ACTR3C: variants seen among roughly 807,000 people sequenced by gnomAD.
ACTR3C encodes the protein actin-related protein 3C.
A neutral mutation model predicts 26.3 loss-of-function variants in ACTR3C; 18 were observed. That is an observed-to-expected ratio of 0.68 (90% CI 0.47 to 1.01). The LOEUF (loss-of-function observed/expected upper bound fraction) is 1.01. ACTR3C is among the 50% of genes least tolerant of loss of function. The pLI, the probability that ACTR3C is intolerant of heterozygous loss-of-function variation, is 0.00. For missense variants in ACTR3C, 184 were observed against 250.7 expected, an observed-to-expected ratio of 0.73 and a Z score of 1.80; for synonymous variants, 55 against 94.5, an observed-to-expected ratio of 0.58 and a Z score of 2.42.
Position 150,313,274 on chromosome 7 carries a change from G to T in ACTR3C, c.-52+10195C>A, listed in dbSNP as rs182119279. ...ACCTGTTTAGGTGGTCTTCTCTACGGACACACGTGACAGTTCAGAAAGGTG... is the reference window on the plus strand; with the variant it reads ...ACCTGTTTAGGTGGTCTTCTCTACGTACACACGTGACAGTTCAGAAAGGTG... On this transcript the variant is annotated intron_variant, in intron 1 of 7. Coordinates refer to ENST00000683684, the MANE Select transcript of ACTR3C (RefSeq NM_001164458.2). Among the ~76,000 whole-genome samples, 858 of 152,264 alleles carry T rather than the reference G, an allele frequency of 5.6e-3. 6 individuals are homozygous for T. The highest frequency in any genetic ancestry group is 0.02 in the African/African-American group (819 of 41,542).
At chr7:150,169,899 T>G in the ACTR3C span, among the ~76,000 whole-genome samples, 1 of 150,628 alleles carries the variant, frequency 6.6e-6, no homozygotes, top group African/African-American at 2.5e-5. Flanking sequence ...CTCTTTACTT[T>G]CCCCGTTTTC....
chr7:150,079,023 C>T, the ACTR3C span, among the ~76,000 whole-genome samples: 3 of 152,256 alleles, frequency 2.0e-5, no homozygotes, highest in African/African-American at 7.2e-5. Flanking sequence ...TTTACTGCAT[C>T]GTGAGCCTTC....
At chr7:150,108,483 T>C in the ACTR3C span, among the ~76,000 whole-genome samples, 1 of 151,594 alleles carries the variant, frequency 6.6e-6, no homozygotes, top group African/African-American at 2.4e-5. Context: ...GGTGGCCTTA[T>C]AGATTTGGGA....
chr7:149,886,491 G>C, the ACTR3C span, among the ~76,000 whole-genome samples: 1 of 152,224 alleles, frequency 6.6e-6, no homozygotes, highest in Non-Finnish European at 1.5e-5. Flanking sequence ...GATATTCCTG[G>C]AAAAGCAGAG....
chr7:150,304,382 T>C (rs1234433588), intron 1 of ACTR3C, among the ~76,000 whole-genome samples: 3 of 152,258 alleles, frequency 2.0e-5, no homozygotes, highest in African/African-American at 4.8e-5. Context: ...TACCTAGAGA[T>C]TTCAAGATAA....
At chr7:149,889,677 C>A in the ACTR3C span, among the ~76,000 whole-genome samples, 1 of 152,072 alleles carries the variant, frequency 6.6e-6, no homozygotes, top group African/African-American at 2.4e-5. Context: ...ATGGAGGCAA[C>A]CCCACCCCAT....
the ACTR3C span, among the ~76,000 whole-genome samples, chr7:149,982,394 T>C: frequency 1.3e-5 from 2 of 152,088 alleles, no homozygotes; most frequent in Non-Finnish European, 2.9e-5. Context: ...TTCCTCTACC[T>C]CAATAATTAA....
the ACTR3C span, among the ~76,000 whole-genome samples, chr7:150,186,677 A>G: frequency 6.6e-6 from 1 of 152,200 alleles, no homozygotes; most frequent in Non-Finnish European, 1.5e-5. Context: ...CCTCTCGCCA[A>G]TCACAATACT....
the ACTR3C span, among the ~76,000 whole-genome samples, chr7:150,197,111 A>G: frequency 1.3e-5 from 2 of 152,200 alleles, no homozygotes; most frequent in Admixed American, 6.5e-5. Flanking sequence ...AGTAGAGTCC[A>G]GGCTGAGTCC....
At chr7:149,974,428 G>C in the ACTR3C span, among the ~76,000 whole-genome samples, 1 of 151,976 alleles carries the variant, frequency 6.6e-6, no homozygotes, top group Non-Finnish European at 1.5e-5. Flanking sequence ...TCATATCACA[G>C]GTTTGTAGGC....
chr7:150,043,591 G>A, the ACTR3C span, among the ~76,000 whole-genome samples: 3 of 152,312 alleles, frequency 2.0e-5, no homozygotes, highest in South Asian at 2.1e-4. Flanking sequence ...CTTTGTAGGC[G>A]CCAGTGGGAT....
the ACTR3C span, among the ~76,000 whole-genome samples, chr7:149,895,443 T>G: frequency 6.6e-6 from 1 of 152,210 alleles, no homozygotes; most frequent in Non-Finnish European, 1.5e-5. Context: ...ATTTGTTAAT[T>G]AGCTAGATTT....
chr7:149,992,420 T>C, the ACTR3C span, among the ~76,000 whole-genome samples: 10 of 152,338 alleles, frequency 6.6e-5, no homozygotes, highest in African/African-American at 1.9e-4. Flanking sequence ...TCCCCAGCCA[T>C]ATATCATACA....
intron 6 of ACTR3C, among the ~76,000 whole-genome samples, chr7:150,278,929 C>CA (rs1317245314): frequency 1.3e-5 from 2 of 151,990 alleles, no homozygotes; most frequent in Admixed American, 6.5e-5. Flanking sequence ...TTTGAAAAGA[C>CA]AAAAAAACCA....
chr7:149,956,927 C>T, the ACTR3C span, among the ~76,000 whole-genome samples: 1 of 152,172 alleles, frequency 6.6e-6, no homozygotes, highest in Non-Finnish European at 1.5e-5. Flanking sequence ...TTTGTCACTG[C>T]TTGCCGCTAG....
chr7:150,042,133 G>A, the ACTR3C span, among the ~76,000 whole-genome samples: 6 of 55,242 alleles, frequency 1.1e-4, no homozygotes, highest in East Asian at 8.3e-4. Flanking sequence ...GGGGTCCTAA[G>A]AGCCAGTGGG....
At chr7:150,129,301 G>GT in the ACTR3C span, among the ~76,000 whole-genome samples, 1 of 152,092 alleles carries the variant, frequency 6.6e-6, no homozygotes, top group Non-Finnish European at 1.5e-5. Context: ...GTTGAATACT[G>GT]AACACTTTTC....
intron 1 of ACTR3C, among the ~76,000 whole-genome samples, chr7:150,297,833 T>C (rs564645659): frequency 0.013 from 1,781 of 132,916 alleles, 34 homozygotes; most frequent in African/African-American, 0.051. Context: ...GCCTGGGCGA[T>C]GGAGTGAGAC....
At chr7:150,066,291 G>A in the ACTR3C span, among the ~76,000 whole-genome samples, 8 of 152,216 alleles carry the variant, frequency 5.3e-5, no homozygotes, top group African/African-American at 1.4e-4. Context: ...GATCCACAGC[G>A]ATGAGCATCA....
Sources: allele counts gnomAD v4.1 joint callset (sites outside exome capture counted in the v4.1 genomes callset), GRCh38; gene constraint gnomAD v4.1.1; transcripts MANE v1.5; gene names NCBI Gene and HGNC (gene_info 2026-07-23, HGNC 2026-07-21).